The following ERC2 variants were observed in gnomAD, a reference collection of about 807,000 sequenced individuals.
ERC2 encodes ERC protein 2.
Under a neutral mutation model 114.8 loss-of-function variants are expected in ERC2, and 42 were observed. That is an observed-to-expected ratio of 0.37 (90% CI 0.29 to 0.47). ERC2 has a LOEUF of 0.47. ERC2 is among the 20% of genes least tolerant of loss of function. ERC2 has a pLI of 0.99. For missense variants in ERC2, 939 were observed against 1,150.7 expected (o/e 0.82, Z 2.66); for synonymous variants, 454 against 425.5 (o/e 1.07, Z -0.82).
intron 12 of ERC2, among the ~76,000 whole-genome samples, chr3:55,959,096 C>T (rs2068179572): frequency 6.6e-6 from 1 of 152,144 alleles, no homozygotes. Flanking sequence ...ATCCCCCTGC[C>T]CCAACCCTCT....
At chr3:56,256,692 G>A (rs939048135) in intron 3 of ERC2, among the ~76,000 whole-genome samples, 1 of 152,122 alleles carries the variant, frequency 6.6e-6, no homozygotes, top group African/African-American at 2.4e-5. Context: ...CCCATGTGTT[G>A]AGGGAAGGAA....
chr3:56,353,068 A>G (rs757645217), intron 2 of ERC2, among the ~76,000 whole-genome samples: 6 of 152,142 alleles, frequency 3.9e-5, no homozygotes, highest in Non-Finnish European at 5.9e-5. Flanking sequence ...TGAGTCTAGG[A>G]GGCAAGGGTC....
rs966139952 is a variant in ERC2, at chr3:56,267,527, T to A, written c.1074+28492A>T. 2.0e-5 allele frequency among the ~76,000 whole-genome samples: 3 copies of A among 152,044 alleles called. No homozygotes were observed. In the East Asian group the frequency reaches 5.8e-4, roughly 29 times the overall value. ...TGGCTCACGCCTGTAATCCCAGCAC[T>A]TTGGGAGGCCAAGGCGGGTGGATCA... On this transcript the variant is annotated intron_variant, in intron 3 of 17. Coordinates refer to ENST00000288221, the MANE Select transcript of ERC2 (RefSeq NM_015576.3).
At chr3:56,231,878 AAATT>A (rs2050641565) in intron 3 of ERC2, among the ~76,000 whole-genome samples, 1 of 79,680 alleles carries the variant, frequency 1.3e-5, no homozygotes, top group Non-Finnish European at 4.1e-5. Context: ...CATTCTAAAT[AAATT>A]AACTCTTCAG....
At chr3:55,619,553 G>A (rs534850918) in intron 17 of ERC2, among the ~76,000 whole-genome samples, 138 of 152,312 alleles carry the variant, frequency 9.1e-4, no homozygotes, top group African/African-American at 3.1e-3. Context: ...TTAAGGGTAT[G>A]AAAGTGCAGT....
At chr3:56,311,255 C>CTATATATATATA (rs67320179) in intron 2 of ERC2, among the ~76,000 whole-genome samples, 2 of 79,040 alleles carry the variant, frequency 2.5e-5, no homozygotes, top group African/African-American at 5.7e-5. Flanking sequence ...CTCTCTCTCT[C>CTATATATATATA]TATATATATA....
chr3:55,950,594 A>G (rs2067430902), intron 12 of ERC2, 34 bp from the exon 13 acceptor site: 2 of 1,612,726 alleles, frequency 1.2e-6, no homozygotes, highest in Non-Finnish European at 8.5e-7. Flanking sequence ...GTTAAATTCT[A>G]CCACTGGAAG....
chr3:56,108,217 G>T (rs1375359007), intron 6 of ERC2, among the ~76,000 whole-genome samples: 1 of 151,998 alleles, frequency 6.6e-6, no homozygotes, highest in East Asian at 1.9e-4. Flanking sequence ...TTTTTAAAGG[G>T]AAATGGAAGC....
At chr3:55,880,206 A>G (rs944621454) in intron 14 of ERC2, among the ~76,000 whole-genome samples, 1 of 152,208 alleles carries the variant, frequency 6.6e-6, no homozygotes, top group Admixed American at 6.5e-5. Context: ...AAAAATGGCA[A>G]AATGTCAAGA....
intron 14 of ERC2, among the ~76,000 whole-genome samples, chr3:55,848,868 C>T (rs1329365079): frequency 1.3e-5 from 2 of 152,172 alleles, no homozygotes; most frequent in Non-Finnish European, 2.9e-5. Context: ...CTATTTCATT[C>T]TTCTAAGTGT....
chr3:55,997,880 G>GTTTGTTTTTTTTTT (rs1559996207), intron 10 of ERC2, among the ~76,000 whole-genome samples: 2 of 44,788 alleles, frequency 4.5e-5, no homozygotes, highest in Non-Finnish European at 8.0e-5. Context: ...TCTTAATTCT[G>GTTTGTTTTTTTTTT]TTTTTTTTTT....
intron 17 of ERC2, among the ~76,000 whole-genome samples, chr3:55,654,646 C>T (rs1220365625): frequency 6.6e-6 from 1 of 152,172 alleles, no homozygotes; most frequent in African/African-American, 2.4e-5. Context: ...TAGAGGCAAG[C>T]GCGGCCAGCA....
chr3:55,825,929 T>TA (rs954158679), intron 14 of ERC2, among the ~76,000 whole-genome samples: 2 of 142,486 alleles, frequency 1.4e-5, no homozygotes, highest in African/African-American at 5.3e-5. Flanking sequence ...AAGTTGAAGT[T>TA]AAAAAAAATT....
intron 14 of ERC2, among the ~76,000 whole-genome samples, chr3:55,807,476 T>C (rs888429371): frequency 3.9e-5 from 6 of 152,182 alleles, no homozygotes; most frequent in African/African-American, 1.4e-4. Context: ...AGGGGTTATA[T>C]AGTAAATATT....
chr3:55,623,201 T>G (rs189452836), intron 17 of ERC2, among the ~76,000 whole-genome samples: 88 of 152,310 alleles, frequency 5.8e-4, no homozygotes, highest in Non-Finnish European at 9.3e-4. Context: ...TCACCTGAGC[T>G]TTCATTCCCT....
chr3:55,676,992 A>G (rs1184151371), intron 17 of ERC2, among the ~76,000 whole-genome samples: 6 of 152,202 alleles, frequency 3.9e-5, no homozygotes, highest in Admixed American at 2.6e-4. Context: ...TGAGCTCCAG[A>G]GAAACCCACA....
At chr3:55,879,488 T>A (rs746920855) in intron 14 of ERC2, among the ~76,000 whole-genome samples, 7 of 152,112 alleles carry the variant, frequency 4.6e-5, no homozygotes, top group African/African-American at 1.7e-4. Context: ...ATACCCCTTA[T>A]AGGTCAGCTA....
chr3:56,213,091 A>G (rs2150127225), intron 3 of ERC2, among the ~76,000 whole-genome samples: 1 of 152,332 alleles, frequency 6.6e-6, no homozygotes, highest in African/African-American at 2.4e-5. Context: ...AGCATGAGCA[A>G]CGCAGAAGAC....
intron 17 of ERC2, among the ~76,000 whole-genome samples, chr3:55,641,336 G>A (rs1383491356): frequency 6.6e-6 from 1 of 152,060 alleles, no homozygotes; most frequent in African/African-American, 2.4e-5. Flanking sequence ...GACCTCCTGA[G>A]GTAAGGAGTT....
Sources: gnomAD v4.1 joint callset for allele counts (sites outside exome capture counted in the v4.1 genomes callset) on GRCh38, gnomAD v4.1.1 for gene constraint, MANE v1.5 for transcripts, NCBI Gene and HGNC (gene_info 2026-07-23, HGNC 2026-07-21) for gene names.